The following TECPR2 variants were observed in gnomAD, a reference collection of about 807,000 sequenced individuals.
TECPR2 encodes the protein tectonin beta-propeller repeat-containing protein 2.
A neutral mutation model predicts 138.1 loss-of-function variants in TECPR2; 65 were observed. That is an observed-to-expected ratio of 0.47 (90% CI 0.39 to 0.58). TECPR2 has a LOEUF of 0.58. Among genes scored for constraint, TECPR2 ranks in the 20% least tolerant of loss-of-function variants. TECPR2 has a pLI of 0.00. For synonymous variants in TECPR2, 746 were observed against 749.8 expected (o/e 0.99, Z 0.08); for missense variants, 1,553 against 1,824.5 (o/e 0.85, Z 2.71).
At chr14:102,489,375 T>C (rs977519592) in intron 17 of TECPR2, among the ~76,000 whole-genome samples, 8 of 151,646 alleles carry the variant, frequency 5.3e-5, no homozygotes, top group Non-Finnish European at 8.8e-5. Context: ...TCCCAGTACT[T>C]TGGGAGGCTG....
At chr14:102,438,242 C>T in intron 10 of TECPR2, 37 bp downstream of exon 10, 1 of 1,574,842 alleles carries the variant, frequency 6.3e-7, no homozygotes, top group Non-Finnish European at 8.6e-7. Context: ...CTCCCTGCTC[C>T]CGCTCGCCGC....
intron 2 of TECPR2, among the ~76,000 whole-genome samples, chr14:102,398,561 G>A (rs143501859): frequency 1.4e-4 from 22 of 152,120 alleles, no homozygotes; most frequent in Non-Finnish European, 2.6e-4. Flanking sequence ...TCCCAAAAGC[G>A]AAAACCAAAG....
chr14:102,486,653 G>C (rs1211179176), intron 17 of TECPR2, among the ~76,000 whole-genome samples: 1 of 152,160 alleles, frequency 6.6e-6, no homozygotes, highest in East Asian at 1.9e-4. Context: ...CAGAGAGAGA[G>C]CTCAGCACAG....
Position 102,479,959 on chromosome 14 carries a change from TC to T in TECPR2, c.3789+14673del, listed in dbSNP as rs1042005534. 4.5e-4 allele frequency among the ~76,000 whole-genome samples: 69 copies of T among 152,234 alleles called. 2 individuals carry two copies. Among genetic ancestry groups the T allele is most frequent in the Non-Finnish European group, 5.9e-5 (4 of 68,042 alleles). ...AGCCCTGCCAGCCAGGAGGGACTGT[TC>T]CCATTGCGGGCAGAATCTGTTACTT... On this transcript the variant is annotated intron_variant, in intron 17 of 19. Coordinates refer to ENST00000359520, the MANE Select transcript of TECPR2 (RefSeq NM_014844.5).
intron 17 of TECPR2, among the ~76,000 whole-genome samples, chr14:102,482,921 G>T (rs937204725): frequency 4.3e-5 from 6 of 139,118 alleles, no homozygotes; most frequent in Non-Finnish European, 9.0e-5. Flanking sequence ...TCGGCTCACT[G>T]CAAGCTCTGC....
chr14:102,452,453 GCA>G lies in TECPR2; in HGVS notation c.3469_3470del (p.Gln1157ValfsTer75), dbSNP rs2139755178. The G allele has an allele frequency of 6.2e-7, 1 of 1,613,684 alleles. No individual in the cohort carries two copies. The highest frequency in any genetic ancestry group is 8.5e-7 in the Non-Finnish European group (1 of 1,179,878). ...CCTGTGCAGCGTCAGCGCCCAGAGC[GCA>G]CAGTCGCGGCCCTCCACGGTGCAGC... is the stretch of plus-strand genomic sequence containing the variant. ...KDLCSVSAQS[A>X]QSRPSTVQLP... On this transcript the variant is annotated frameshift_variant, in exon 16 of 20. Transcript: ENST00000359520. LOFTEE classifies it high-confidence loss of function.
intron 12 of TECPR2, among the ~76,000 whole-genome samples, 185 bp downstream of exon 12, chr14:102,444,012 G>A (rs1023438894): frequency 3.3e-5 from 5 of 152,108 alleles, no homozygotes; most frequent in African/African-American, 9.7e-5. Flanking sequence ...GTCAGAGCTC[G>A]CTTTTTAAAA....
rs187653287 is a variant in TECPR2, at chr14:102,426,138, G to A, written c.951+847G>A. Reference sequence around the variant, plus strand: ...CTGACTCAGGTGATCCGCCAGCCTCGGCCTCCCAAAGTGCTGGGGTTACAG... The same window carrying A: ...CTGACTCAGGTGATCCGCCAGCCTCAGCCTCCCAAAGTGCTGGGGTTACAG... On this transcript the variant is annotated intron_variant, in intron 6 of 19. Transcript: ENST00000359520. Among the ~76,000 whole-genome samples the A allele has an allele frequency of 7.2e-4, 110 of 152,032 alleles. 1 individual carries two copies. The highest frequency in any genetic ancestry group is 6.5e-3 in the Admixed American group (100 of 15,274).
At position 102,499,489 on chromosome 14, in the gene TECPR2, G is replaced by C. The variant is rs575760934; in HGVS notation, c.*1232G>C. The stretch of plus-strand genomic sequence containing the variant: ...CAGCCTCAGAGGGGCAGGCATCCCC[G>C]CACAGACTTGACTGGCAGGGCGGTC... On this transcript the variant is annotated 3_prime_UTR_variant, in exon 20 of 20. Transcript: ENST00000359520. The C allele has an allele frequency of 2.0e-6, 1 of 497,678 alleles. No individual in the cohort carries two copies. The highest frequency in any genetic ancestry group is 3.6e-6 in the Non-Finnish European group (1 of 275,420). The allele number at this position is 497,678 out of a possible 1,614,324, so 30.8% of individuals were successfully genotyped here.
chr14:102,394,672 T>G (rs769054913), intron 2 of TECPR2, among the ~76,000 whole-genome samples: 1 of 152,196 alleles, frequency 6.6e-6, no homozygotes, highest in Non-Finnish European at 1.5e-5. Context: ...TGTGGCTAAC[T>G]ACAGCACCTT....
intron 17 of TECPR2, among the ~76,000 whole-genome samples, chr14:102,491,694 G>A (rs542740083): frequency 1.6e-4 from 24 of 152,294 alleles, no homozygotes; most frequent in African/African-American, 5.5e-4. Context: ...ACTTGCTGGG[G>A]CTGCTGGGTA....
chr14:102,439,849 A>G (rs940039438), intron 10 of TECPR2, among the ~76,000 whole-genome samples: 5 of 152,180 alleles, frequency 3.3e-5, no homozygotes, highest in East Asian at 1.9e-4. Context: ...CTGCAGCGCT[A>G]TCCTGCCTTC....
chr14:102,458,274 C>T (rs184183443), intron 16 of TECPR2, among the ~76,000 whole-genome samples: 5 of 152,310 alleles, frequency 3.3e-5, no homozygotes, highest in Admixed American at 3.3e-4. Context: ...TTCTGGACCT[C>T]TGCTTCCCTC....
chr14:102,425,523 G>A (rs1312935377), intron 6 of TECPR2, among the ~76,000 whole-genome samples: 2 of 152,128 alleles, frequency 1.3e-5, no homozygotes, highest in African/African-American at 4.8e-5. Context: ...GAGAAATGAT[G>A]TATGTTTTTT....
chr14:102,373,051 G>A (rs1240217149), intron 1 of TECPR2, among the ~76,000 whole-genome samples: 1 of 152,114 alleles, frequency 6.6e-6, no homozygotes, highest in African/African-American at 2.4e-5. Context: ...AGGAAACAAA[G>A]CCTTTTACTA....
intron 7 of TECPR2, among the ~76,000 whole-genome samples, chr14:102,429,152 T>C (rs1889403156): frequency 6.6e-6 from 1 of 152,182 alleles, no homozygotes; most frequent in Non-Finnish European, 1.5e-5. Flanking sequence ...CGGCCGCTCC[T>C]CTGATTGTTA....
chr14:102,449,573 A>C, intron 13 of TECPR2, 56 bp from the exon 14 acceptor site: 1 of 1,601,780 alleles, frequency 6.2e-7, no homozygotes, highest in Non-Finnish European at 8.5e-7. Context: ...CAAGGCAGAG[A>C]GTCTACACTT....
At chr14:102,482,142 C>T (rs1209278887) in intron 17 of TECPR2, among the ~76,000 whole-genome samples, 4 of 152,088 alleles carry the variant, frequency 2.6e-5, no homozygotes, top group African/African-American at 9.7e-5. Context: ...CAACCTCCAA[C>T]TCCTGGGTCC....
intron 2 of TECPR2, among the ~76,000 whole-genome samples, chr14:102,390,762 C>CT (rs561470722): frequency 1.3e-4 from 20 of 151,724 alleles, no homozygotes; most frequent in Non-Finnish European, 2.8e-4. Context: ...TGCCAAGCAA[C>CT]TTTTGGACTA....
Sources: gnomAD v4.1 joint callset for allele counts (sites outside exome capture counted in the v4.1 genomes callset) on GRCh38, gnomAD v4.1.1 for gene constraint, MANE v1.5 for transcripts, NCBI Gene and HGNC (gene_info 2026-07-23, HGNC 2026-07-21) for gene names.